NOL4L: variants seen among roughly 807,000 people sequenced by gnomAD.
NOL4L encodes nucleolar protein 4-like.
In NOL4L, 7 loss-of-function variants were observed where a neutral mutation model predicts 64.5. That is an observed-to-expected ratio of 0.11 (90% CI 0.06 to 0.20). The LOEUF is 0.20. NOL4L is among the 10% of genes least tolerant of loss of function. The probability of loss-of-function intolerance (pLI) is 1.00; values close to 1 mark genes in which losing one functional copy is unlikely to be tolerated. For synonymous variants in NOL4L, 413 were observed against 401.0 expected, an observed-to-expected ratio of 1.03 and a Z score of -0.36; for missense variants, 680 against 967.1, an observed-to-expected ratio of 0.70 and a Z score of 3.94.
intron 4 of NOL4L, among the ~76,000 whole-genome samples, chr20:32,510,885 G>A (rs1328382079): frequency 1.3e-5 from 2 of 152,088 alleles, no homozygotes; most frequent in African/African-American, 4.8e-5. Context: ...AGGCTTGGAC[G>A]GCCAGGAGGC....
intron 1 of NOL4L, among the ~76,000 whole-genome samples, chr20:32,550,521 T>C (rs1467457298): frequency 6.6e-6 from 1 of 152,022 alleles, no homozygotes; most frequent in African/African-American, 2.4e-5. Context: ...CGAGGCGAGC[T>C]GATCACTTGA....
chr20:32,499,664 G>A (rs556424829), intron 4 of NOL4L, among the ~76,000 whole-genome samples: 5 of 150,200 alleles, frequency 3.3e-5, no homozygotes, highest in Non-Finnish European at 7.4e-5. Flanking sequence ...GCTTGAACCT[G>A]GGCAGCGGAG....
At chr20:32,485,782 C>A (rs776930141) in intron 4 of NOL4L, 8 of 470,644 alleles carry the variant, frequency 1.7e-5, no homozygotes, top group Admixed American at 7.1e-5. Flanking sequence ...TGAGATAATT[C>A]AGACTCAGGA....
intron 6 of NOL4L, among the ~76,000 whole-genome samples, chr20:32,454,697 G>A (rs1395732337): frequency 2.6e-5 from 4 of 152,236 alleles, no homozygotes; most frequent in Admixed American, 6.5e-5. Flanking sequence ...CTAAGTACTC[G>A]TTCAGATCGT....
At chr20:32,447,997 G>A (rs1024902516) in intron 10 of NOL4L, among the ~76,000 whole-genome samples, 181 bp from the exon 11 acceptor site, 21 of 152,180 alleles carry the variant, frequency 1.4e-4, no homozygotes, top group East Asian at 5.8e-4. Context: ...ATGGGCCTGC[G>A]GGCGACAGGG....
chr20:32,552,180 T>G (rs1978340666), intron 1 of NOL4L, among the ~76,000 whole-genome samples: 1 of 152,126 alleles, frequency 6.6e-6, no homozygotes. Context: ...TATGGAACAA[T>G]GTACAACATA....
At chr20:32,537,139 C>T (rs2018559641) in intron 1 of NOL4L, 1 of 984,342 alleles carries the variant, frequency 1.0e-6, no homozygotes, top group Admixed American at 6.1e-5. Context: ...TCAGGGAGCG[C>T]CCGCTATGTG....
intron 4 of NOL4L, among the ~76,000 whole-genome samples, chr20:32,482,408 G>A (rs2015787563): frequency 6.6e-6 from 1 of 152,148 alleles, no homozygotes; most frequent in Non-Finnish European, 1.5e-5. Context: ...AGGGGCGGCC[G>A]GACTCGGGCA....
chr20:32,527,580 C>T (rs866693934), intron 2 of NOL4L, among the ~76,000 whole-genome samples, 178 bp downstream of exon 2: 1 of 152,136 alleles, frequency 6.6e-6, no homozygotes, highest in Non-Finnish European at 1.5e-5. Context: ...TCCCTCCCCT[C>T]GCCCTGTGAG....
At position 32,447,365 on chromosome 20, in the gene NOL4L, T is replaced by C. The variant is rs1312920991; in HGVS notation, c.*231A>G. On this transcript the variant is annotated 3_prime_UTR_variant, in exon 11 of 11. Coordinates refer to ENST00000621426, the MANE Select transcript of NOL4L (RefSeq NM_001256798.2). ...CCCTTCCAGAGCTGCCCCGTTGGCC[T>C]CTTCCAAGCAGGTCAGAGCACCCGT... 5.0e-6 allele frequency: 3 copies of C among 594,400 alleles called. No individual in the cohort carries two copies. The East Asian group carries it at 1.2e-4, about 24-fold the overall frequency. 36.8% of individuals were successfully genotyped at this position (594,400 alleles called of 1,614,324 possible).
At chr20:32,486,067 GAA>G (rs996994399) in intron 4 of NOL4L, among the ~76,000 whole-genome samples, 19 of 152,230 alleles carry the variant, frequency 1.2e-4, no homozygotes, top group Non-Finnish European at 7.3e-5. Flanking sequence ...TCAACCCACA[GAA>G]AACAGTTGAG....
At chr20:32,483,358 G>A in intron 4 of NOL4L, 1 of 984,602 alleles carries the variant, frequency 1.0e-6, no homozygotes, top group Non-Finnish European at 1.2e-6. Flanking sequence ...GCCGGACTCC[G>A]TACCTGGGCT....
chr20:32,584,642 C>T lies in NOL4L; in HGVS notation c.249G>A (p.Lys83=), dbSNP rs1980777980. The change falls in exon 1 of 11, where the codon AAG becomes AAA. Residue 83 remains lysine, a synonymous_variant. Transcript: ENST00000621426. ...KGKFQFWVRS[K]GFRLGSGREP... is the part of the protein sequence containing the mutation. The stretch of plus-strand genomic sequence containing the variant: ...CCCGGCCGCTGCCCAGGCGGAAGCC[C>T]TTGGAGCGCACCCAGAACTGGAACT... The T allele has an allele frequency of 1.3e-6, 2 of 1,545,208 alleles. No individual in the cohort carries two copies. Among genetic ancestry groups the T allele is most frequent in the Admixed American group, 2.0e-5 (1 of 50,352 alleles).
chr20:32,524,043 C>G (rs978638962), intron 2 of NOL4L, among the ~76,000 whole-genome samples: 12 of 152,306 alleles, frequency 7.9e-5, no homozygotes, highest in Middle Eastern at 3.4e-3. Flanking sequence ...CCAAAGTGGC[C>G]TGGGCAGCTA....
At chr20:32,546,312 G>A (rs1233142324) in intron 1 of NOL4L, among the ~76,000 whole-genome samples, 1 of 151,932 alleles carries the variant, frequency 6.6e-6, no homozygotes, top group Non-Finnish European at 1.5e-5. Context: ...GCAATGGCGC[G>A]ATCTCAGCTC....
At chr20:32,503,040 G>A (rs1307997139) in intron 4 of NOL4L, among the ~76,000 whole-genome samples, 3 of 152,216 alleles carry the variant, frequency 2.0e-5, no homozygotes, top group Non-Finnish European at 2.9e-5. Context: ...AGGTCTGGGG[G>A]CACAAGGTAG....
intron 1 of NOL4L, among the ~76,000 whole-genome samples, chr20:32,533,780 C>T (rs2018422557): frequency 6.6e-6 from 1 of 152,190 alleles, no homozygotes; most frequent in African/African-American, 2.4e-5. Context: ...CTGGCTTCCT[C>T]GTTTTCCTCA....
chr20:32,561,392 T>C (rs1979008603), intron 1 of NOL4L, among the ~76,000 whole-genome samples: 1 of 152,182 alleles, frequency 6.6e-6, no homozygotes, highest in Non-Finnish European at 1.5e-5. Context: ...TTCCCCAAGC[T>C]TCCCTGACAA....
intron 1 of NOL4L, among the ~76,000 whole-genome samples, chr20:32,551,367 CTCGG>C: frequency 7.1e-6 from 1 of 141,826 alleles, no homozygotes; most frequent in East Asian, 2.3e-4. Context: ...CAGCGTGAGA[CTCGG>C]TCTCAAAATC....
Sources: gnomAD v4.1 joint callset for allele counts (sites outside exome capture counted in the v4.1 genomes callset) on GRCh38, gnomAD v4.1.1 for gene constraint, MANE v1.5 for transcripts, NCBI Gene and HGNC (gene_info 2026-07-23, HGNC 2026-07-21) for gene names.